Variants in WDR7 observed in about 807,000 individuals in gnomAD.
WDR7 encodes WD repeat domain 7.
In WDR7, 46 loss-of-function variants were observed where a neutral mutation model predicts 169.4. The observed-to-expected ratio is 0.27, with a 90% confidence interval of 0.21 to 0.35. The LOEUF is 0.35. WDR7 is among the 10% of genes least tolerant of loss of function. The pLI, the probability that WDR7 is intolerant of heterozygous loss-of-function variation, is 1.00. For missense variants in WDR7, 1,534 were observed against 1,859.3 expected (o/e 0.83, Z 3.22); for synonymous variants, 612 against 666.8 (o/e 0.92, Z 1.27).
At chr18:56,870,990 A>T (rs2045944835) in intron 20 of WDR7, among the ~76,000 whole-genome samples, 1 of 152,220 alleles carries the variant, frequency 6.6e-6, no homozygotes, top group South Asian at 2.1e-4. Context: ...TGATAATGCC[A>T]TATCACATTT....
chr18:56,918,363 T>A (rs2046658114), intron 21 of WDR7, among the ~76,000 whole-genome samples: 1 of 152,190 alleles, frequency 6.6e-6, no homozygotes, highest in African/African-American at 2.4e-5. Flanking sequence ...CTGTTTGTGT[T>A]ACTTATATAG....
chr18:57,020,798 A>G lies in WDR7; in HGVS notation c.4218A>G (p.Gly1406=). 6.2e-7 allele frequency: 1 copy of G among 1,614,210 alleles called. No individual in the cohort carries two copies. The highest frequency in any genetic ancestry group is 1.3e-5 in the African/African-American group (1 of 75,054). ...CTGCAGTGGCTTTTGCTCCTGATGG[A>G]AGATATCTTGCCACCTACTCAAACA... ...PITAVAFAPD[G]RYLATYSNTD... is the part of the protein sequence containing the mutation. The change falls in exon 27 of 28, where the codon GGA becomes GGG. Residue 1406 remains glycine (G), a synonymous_variant. Coordinates refer to ENST00000254442, the MANE Select transcript of WDR7 (RefSeq NM_015285.3).
chr18:56,722,774 A>C (rs1244494703), intron 13 of WDR7, among the ~76,000 whole-genome samples: 1 of 152,102 alleles, frequency 6.6e-6, no homozygotes, highest in African/African-American at 2.4e-5. Context: ...CCATGCAATT[A>C]ATCACTAAGT....
chr18:56,830,202 A>T (rs1168679215), intron 20 of WDR7, among the ~76,000 whole-genome samples: 1 of 152,222 alleles, frequency 6.6e-6, no homozygotes, highest in Non-Finnish European at 1.5e-5. Flanking sequence ...GTTGCCCTTC[A>T]TGATCTAAAA....
intron 20 of WDR7, among the ~76,000 whole-genome samples, chr18:56,850,867 G>A (rs997063495): frequency 1.3e-5 from 2 of 152,062 alleles, no homozygotes; most frequent in East Asian, 1.9e-4. Flanking sequence ...TTCTTCTCTT[G>A]TTCTAGGATA....
At position 57,019,796 on chromosome 18, in the gene WDR7, T is replaced by C. The variant is rs115994898; in HGVS notation, c.4165-949T>C. On this transcript the variant is annotated intron_variant, in intron 26 of 27. Coordinates refer to ENST00000254442, the MANE Select transcript of WDR7 (RefSeq NM_015285.3). ...CTTTATCAAAAATGACAGCTGGAAG[T>C]AAACCTGTCCTGAATTTTCTTAGTT... Among the ~76,000 whole-genome samples the C allele has an allele frequency of 8.2e-3, 1,250 of 152,050 alleles. 16 individuals carry two copies. Among genetic ancestry groups the C allele is most frequent in the African/African-American group, 0.029 (1,189 of 41,466 alleles).
At chr18:56,790,795 A>C (rs535323012) in intron 19 of WDR7, among the ~76,000 whole-genome samples, 1 of 152,160 alleles carries the variant, frequency 6.6e-6, no homozygotes, top group South Asian at 2.1e-4. Flanking sequence ...AAATGGTTTC[A>C]TCGTGCATGA....
chr18:56,815,980 CT>C, intron 19 of WDR7, 50 bp from the exon 20 acceptor site: 1 of 1,425,230 alleles, frequency 7.0e-7, no homozygotes. Context: ...TTTCTGTTTG[CT>C]TTACTTTTCA....
intron 26 of WDR7, among the ~76,000 whole-genome samples, chr18:57,006,130 T>A (rs1288647377): frequency 9.9e-5 from 15 of 152,186 alleles, no homozygotes. Flanking sequence ...TGCATAGTAT[T>A]AAAGTGTGCC....
chr18:56,832,992 C>T (rs1203371455), intron 20 of WDR7, among the ~76,000 whole-genome samples: 5 of 151,858 alleles, frequency 3.3e-5, no homozygotes, highest in South Asian at 2.1e-4. Flanking sequence ...ATGAGTTTGA[C>T]GAAGAGACAG....
chr18:57,026,982 A>G (rs773112532), intron 27 of WDR7, 22 bp from the exon 28 acceptor site: 142 of 1,608,022 alleles, frequency 8.8e-5, no homozygotes, highest in Non-Finnish European at 5.0e-5. Context: ...CAAGTGACAC[A>G]TGTGCTCTCC....
chr18:56,948,902 C>T (rs1388481940), intron 25 of WDR7, among the ~76,000 whole-genome samples: 1 of 152,122 alleles, frequency 6.6e-6, no homozygotes, highest in Non-Finnish European at 1.5e-5. Context: ...GCCCAGGCCT[C>T]TTCCTCTCCA....
intron 22 of WDR7, among the ~76,000 whole-genome samples, chr18:56,930,184 T>A (rs1412850368): frequency 2.6e-5 from 4 of 152,170 alleles, no homozygotes; most frequent in Non-Finnish European, 5.9e-5. Context: ...AAGCATAAAG[T>A]CACTGGAAAC....
intron 5 of WDR7, among the ~76,000 whole-genome samples, chr18:56,685,683 T>C (rs937631893): frequency 6.6e-6 from 1 of 152,146 alleles, no homozygotes; most frequent in Non-Finnish European, 1.5e-5. Context: ...AACATAGTAA[T>C]CAAGAACATT....
chr18:56,821,681 C>G lies in WDR7; in HGVS notation c.3304+5537C>G, dbSNP rs186611688. Among the ~76,000 whole-genome samples, 117 of 147,836 alleles carry G rather than the reference C, an allele frequency of 7.9e-4. No individual in the cohort carries two copies. In the South Asian group the frequency reaches 0.013, roughly 16 times the overall value. On this transcript the variant is annotated intron_variant, in intron 20 of 27. Transcript: ENST00000254442. ...TTTTTTTGACATGTGGTCTCTGTTGCCTAGGCTGGTCTCAAACTCTTGGGT... is the reference window on the plus strand; with the variant it reads ...TTTTTTTGACATGTGGTCTCTGTTGGCTAGGCTGGTCTCAAACTCTTGGGT...
intron 12 of WDR7, chr18:56,699,995 A>C: frequency 1.8e-6 from 1 of 556,836 alleles, no homozygotes; most frequent in Non-Finnish European, 2.3e-6. Flanking sequence ...GTCTTTCCAA[A>C]TTCCTACTAG....
At chr18:56,750,363 T>C (rs1329828434) in intron 14 of WDR7, among the ~76,000 whole-genome samples, 1 of 152,224 alleles carries the variant, frequency 6.6e-6, no homozygotes, top group Non-Finnish European at 1.5e-5. Flanking sequence ...TAGATGTGTG[T>C]ATTTTGCATT....
At chr18:56,737,885 C>A (rs7227435) in intron 14 of WDR7, among the ~76,000 whole-genome samples, 1,883 of 152,132 alleles carry the variant, frequency 0.012, 48 homozygotes, top group African/African-American at 0.041. Flanking sequence ...TTTGAAGAAT[C>A]AATTAAATTT....
intron 12 of WDR7, among the ~76,000 whole-genome samples, chr18:56,715,541 G>A (rs1054791759): frequency 2.6e-5 from 4 of 152,100 alleles, no homozygotes; most frequent in Non-Finnish European, 5.9e-5. Context: ...AGAATCAAAA[G>A]TAGGGTCAGT....
Sources: allele counts gnomAD v4.1 joint callset (sites outside exome capture counted in the v4.1 genomes callset), GRCh38; gene constraint gnomAD v4.1.1; transcripts MANE v1.5; gene names NCBI Gene and HGNC (gene_info 2026-07-23, HGNC 2026-07-21).